The following FMNL2 variants were observed in gnomAD, a reference collection of about 807,000 sequenced individuals.
FMNL2 encodes the protein formin-like protein 2.
FMNL2 carries 51 observed loss-of-function variants against 130.2 expected under a neutral mutation model. The observed-to-expected ratio is 0.39, with a 90% CI of 0.31 to 0.49. FMNL2 has a LOEUF of 0.49. Ranked by LOEUF, FMNL2 falls within the 20% of genes least tolerant of loss-of-function variation. The pLI is 0.85. For synonymous variants in FMNL2, 465 were observed against 467.1 expected (o/e 1.00, Z 0.06); for missense variants, 977 against 1,316.2 (o/e 0.74, Z 3.99).
At chr2:152,517,478 A>G (rs923035236) in intron 1 of FMNL2, among the ~76,000 whole-genome samples, 1 of 152,190 alleles carries the variant, frequency 6.6e-6, no homozygotes, top group Admixed American at 6.5e-5. Flanking sequence ...ACAGATTGTT[A>G]GGGTACAGTG....
intron 1 of FMNL2, among the ~76,000 whole-genome samples, chr2:152,392,598 C>T (rs964521709): frequency 3.3e-5 from 5 of 152,208 alleles, no homozygotes; most frequent in African/African-American, 9.7e-5. Context: ...AAGTGCAAGT[C>T]ATCCAAATGC....
intron 1 of FMNL2, among the ~76,000 whole-genome samples, chr2:152,377,266 C>A (rs896578359): frequency 6.6e-6 from 1 of 152,222 alleles, no homozygotes; most frequent in African/African-American, 2.4e-5. Flanking sequence ...GCAAGCCTCC[C>A]TTGTAACTGT....
chr2:152,370,918 A>G (rs980253791), intron 1 of FMNL2, among the ~76,000 whole-genome samples: 2 of 152,188 alleles, frequency 1.3e-5, no homozygotes, highest in Admixed American at 1.3e-4. Flanking sequence ...CAATCATATG[A>G]TGGCTTGACC....
chr2:152,502,709 A>T (rs1691915948), intron 1 of FMNL2, among the ~76,000 whole-genome samples: 1 of 152,146 alleles, frequency 6.6e-6, no homozygotes, highest in African/African-American at 2.4e-5. Context: ...AAAACCCAAA[A>T]ACAACAAAAT....
At chr2:152,611,457 T>C in intron 10 of FMNL2, 38 bp from the exon 11 acceptor site, 1 of 1,258,452 alleles carries the variant, frequency 7.9e-7, no homozygotes, top group Non-Finnish European at 1.1e-6. Flanking sequence ...GAGAAAAAAG[T>C]TTGGAGCCCA....
chr2:152,420,461 C>T (rs1304509316), intron 1 of FMNL2, among the ~76,000 whole-genome samples: 1 of 152,188 alleles, frequency 6.6e-6, no homozygotes. Flanking sequence ...TGGAAAGAAG[C>T]ATCGGTTTCT....
chr2:152,441,772 T>C (rs1011529371), intron 1 of FMNL2, among the ~76,000 whole-genome samples: 1 of 146,916 alleles, frequency 6.8e-6, no homozygotes, highest in Admixed American at 6.7e-5. Flanking sequence ...GAGGCGGAGT[T>C]TGCAGTGAGC....
At chr2:152,614,741 T>TCAAAACAAAACAAAAAAAAA in intron 11 of FMNL2, 110 bp from the exon 12 acceptor site, 1 of 1,023,874 alleles carries the variant, frequency 9.8e-7, no homozygotes, top group Non-Finnish European at 1.4e-6. Context: ...AAACTCCATC[T>TCAAAACAAAACAAAAAAAAA]CAAAACAAAA....
intron 2 of FMNL2, among the ~76,000 whole-genome samples, chr2:152,526,631 A>G (rs1693403008): frequency 6.6e-6 from 1 of 152,190 alleles, no homozygotes; most frequent in Non-Finnish European, 1.5e-5. Context: ...CAAGTTTACA[A>G]TACTGTGGTA....
At chr2:152,524,717 T>G (rs944790044) in intron 2 of FMNL2, among the ~76,000 whole-genome samples, 2 of 152,146 alleles carry the variant, frequency 1.3e-5, no homozygotes, top group Non-Finnish European at 2.9e-5. Context: ...CACTTGTGCC[T>G]CAGTTTTTGG....
At chr2:152,370,513 C>A (rs528808058) in intron 1 of FMNL2, among the ~76,000 whole-genome samples, 88 of 152,280 alleles carry the variant, frequency 5.8e-4, no homozygotes, top group African/African-American at 2.1e-3. Flanking sequence ...AGGAGGACTA[C>A]ATTGATTGAG....
At chr2:152,398,762 G>A (rs1685530444) in intron 1 of FMNL2, among the ~76,000 whole-genome samples, 1 of 152,190 alleles carries the variant, frequency 6.6e-6, no homozygotes, top group Non-Finnish European at 1.5e-5. Flanking sequence ...AGACCACACA[G>A]CTAGTAAGTG....
chr2:152,357,705 TA>T (rs1453234374), intron 1 of FMNL2, among the ~76,000 whole-genome samples: 1 of 152,046 alleles, frequency 6.6e-6, no homozygotes, highest in Non-Finnish European at 1.5e-5. Flanking sequence ...GTTTAATATA[TA>T]AAAATAAATA....
Position 152,608,899 on chromosome 2 carries a change from T to C in FMNL2, c.951+1486T>C, listed in dbSNP as rs140272529. Among the ~76,000 whole-genome samples, 539 of 152,296 alleles carry C rather than the reference T, an allele frequency of 3.5e-3. 5 individuals are homozygous for C. Among genetic ancestry groups the C allele is most frequent in the South Asian group, 0.015 (70 of 4,826 alleles). On this transcript the variant is annotated intron_variant, in intron 10 of 25. Transcript: ENST00000288670. ...GATGCATAAAAAATACACATCTGATTTGCTTGGAAACTGAAAATATTTGAG... is the reference window on the plus strand; with the variant it reads ...GATGCATAAAAAATACACATCTGATCTGCTTGGAAACTGAAAATATTTGAG...
At chr2:152,436,722 A>G (rs1012115352) in intron 1 of FMNL2, among the ~76,000 whole-genome samples, 3 of 152,158 alleles carry the variant, frequency 2.0e-5, no homozygotes, top group Non-Finnish European at 4.4e-5. Context: ...GGTAGTGAGA[A>G]ATAGTCTCAG....
intron 1 of FMNL2, among the ~76,000 whole-genome samples, chr2:152,398,997 A>G (rs1685542108): frequency 6.6e-6 from 1 of 152,224 alleles, no homozygotes; most frequent in Admixed American, 6.5e-5. Context: ...TGGGAGCCAA[A>G]GAGAGAAGAA....
chr2:152,589,367 G>A (rs2105764276), intron 9 of FMNL2, among the ~76,000 whole-genome samples: 1 of 152,166 alleles, frequency 6.6e-6, no homozygotes, highest in Non-Finnish European at 1.5e-5. Flanking sequence ...TTGCTGCCGT[G>A]TTATTTCTAT....
intron 1 of FMNL2, among the ~76,000 whole-genome samples, chr2:152,367,828 T>C (rs1683646459): frequency 6.6e-6 from 1 of 152,248 alleles, no homozygotes; most frequent in Non-Finnish European, 1.5e-5. Flanking sequence ...TCAGTATCAA[T>C]GGCTGTAGTC....
chr2:152,389,111 T>C (rs930692811), intron 1 of FMNL2, among the ~76,000 whole-genome samples: 30 of 152,266 alleles, frequency 2.0e-4, no homozygotes, highest in Admixed American at 9.8e-4. Flanking sequence ...GAGCATTTTT[T>C]TTTTCTATAA....
Sources: allele counts gnomAD v4.1 joint callset (sites outside exome capture counted in the v4.1 genomes callset), GRCh38; gene constraint gnomAD v4.1.1; transcripts MANE v1.5; gene names NCBI Gene and HGNC (gene_info 2026-07-23, HGNC 2026-07-21).